The following SAXO5 variants were observed in gnomAD, a reference collection of about 807,000 sequenced individuals.
SAXO5 encodes the protein testis expressed 45.
the SAXO5 span, chr19:7,498,889 CA>C: frequency 6.5e-6 from 1 of 152,784 alleles, no homozygotes; most frequent in Admixed American, 6.6e-5. Flanking sequence ...GGCGGAGGGT[CA>C]GGGGAGGCTT....
chr19:7,505,931 G>C, the SAXO5 span: 22 of 1,532,736 alleles, frequency 1.4e-5, no homozygotes, highest in East Asian at 4.6e-4. Context: ...CCTCTCGGAC[G>C]CCGGAGCTTT....
chr19:7,508,228 C>T, the SAXO5 span: 2 of 1,613,928 alleles, frequency 1.2e-6, no homozygotes, highest in Non-Finnish European at 1.7e-6. Context: ...CACATGGAGC[C>T]CCCTCTGGGT....
the SAXO5 span, chr19:7,500,993 G>T: frequency 6.5e-7 from 1 of 1,535,492 alleles, no homozygotes; most frequent in Non-Finnish European, 8.7e-7. Flanking sequence ...GGGAGCCGCC[G>T]AGCCTGCAGC....
the SAXO5 span, chr19:7,501,406 G>A: frequency 1.4e-6 from 2 of 1,474,124 alleles, no homozygotes; most frequent in Non-Finnish European, 1.8e-6. Context: ...CTCGGTGAGC[G>A]CGCGCCCGGG....
chr19:7,506,629 C>CT, the SAXO5 span: 1 of 357,640 alleles, frequency 2.8e-6, no homozygotes, highest in Non-Finnish European at 5.3e-6. Flanking sequence ...CTTCTTAGCC[C>CT]TATGCCCTAG....
chr19:7,507,084 G>A, the SAXO5 span: 2 of 1,613,958 alleles, frequency 1.2e-6, no homozygotes, highest in South Asian at 1.1e-5. Context: ...TGAACCAGAA[G>A]ATGCTGAAGC....
At chr19:7,501,031 A>G in the SAXO5 span, 3 of 1,522,124 alleles carry the variant, frequency 2.0e-6, no homozygotes, top group Non-Finnish European at 2.6e-6. Context: ...TTCCCAATGG[A>G]CCCGCGCTGG....
chr19:7,504,913 C>T, the SAXO5 span, among the ~76,000 whole-genome samples: 1 of 151,470 alleles, frequency 6.6e-6, no homozygotes, highest in African/African-American at 2.4e-5. Flanking sequence ...GGAAACCCTG[C>T]TCCCCTCCCT....
the SAXO5 span, among the ~76,000 whole-genome samples, chr19:7,500,359 TGGCACAATCTC>T: frequency 6.6e-6 from 1 of 152,100 alleles, no homozygotes; most frequent in South Asian, 2.1e-4. Flanking sequence ...TGGAGTGCAA[TGGCACAATCTC>T]GGCTCACTGC....
chr19:7,503,646 G>A, the SAXO5 span, among the ~76,000 whole-genome samples: 6 of 151,930 alleles, frequency 3.9e-5, no homozygotes, highest in East Asian at 1.9e-4. Flanking sequence ...CAACACACCC[G>A]GCTAATTTTT....
the SAXO5 span, chr19:7,505,232 C>T: frequency 4.0e-6 from 5 of 1,262,722 alleles, no homozygotes; most frequent in East Asian, 2.3e-5. Context: ...ATCCACCCAC[C>T]TCAGCCTCCC....
chr19:7,508,317 A>G, the SAXO5 span: 1 of 1,614,010 alleles, frequency 6.2e-7, no homozygotes. Context: ...GAGACTGAAA[A>G]ATCCTCAGGA....
At chr19:7,501,708 C>A in the SAXO5 span, among the ~76,000 whole-genome samples, 3 of 151,800 alleles carry the variant, frequency 2.0e-5, no homozygotes, top group Middle Eastern at 6.3e-3. Flanking sequence ...GTAATCCCAG[C>A]TACTTGAGAG....
the SAXO5 span, chr19:7,505,905 C>G: frequency 2.7e-6 from 4 of 1,488,434 alleles, no homozygotes; most frequent in African/African-American, 1.4e-5. Flanking sequence ...TCCTCCCTCC[C>G]CCCCGGGCCC....
At chr19:7,506,068 C>T in the SAXO5 span, 43 of 1,613,970 alleles carry the variant, frequency 2.7e-5, no homozygotes, top group Middle Eastern at 8.3e-4. Flanking sequence ...TCTTCAAGAC[C>T]ACCATGGGCT....
the SAXO5 span, among the ~76,000 whole-genome samples, chr19:7,498,125 T>C: frequency 6.9e-6 from 1 of 145,824 alleles, no homozygotes; most frequent in Admixed American, 6.8e-5. Context: ...GCAACAAACT[T>C]ACACACTGAA....
the SAXO5 span, chr19:7,508,299 G>T: frequency 1.2e-6 from 2 of 1,614,030 alleles, no homozygotes; most frequent in South Asian, 2.2e-5. Flanking sequence ...CCAGGGCCCA[G>T]CAGCCCTGAG....
the SAXO5 span, chr19:7,501,389 T>C: frequency 1.5e-5 from 22 of 1,495,538 alleles, no homozygotes; most frequent in African/African-American, 2.2e-4. Context: ...GCGCGCCCAG[T>C]TGCCACCTCG....
At chr19:7,501,186 G>A in the SAXO5 span, 4 of 1,526,700 alleles carry the variant, frequency 2.6e-6, no homozygotes, top group Middle Eastern at 1.8e-4. Flanking sequence ...CGCGCACGCC[G>A]GGATCGGCCT....
Sources: gnomAD v4.1 joint callset for allele counts (sites outside exome capture counted in the v4.1 genomes callset) on GRCh38, gnomAD v4.1.1 for gene constraint, MANE v1.5 for transcripts, NCBI Gene and HGNC (gene_info 2026-07-23, HGNC 2026-07-21) for gene names.